PPP2R2C: variants seen among roughly 807,000 people sequenced by gnomAD.
PPP2R2C encodes the protein protein phosphatase 2, regulatory subunit B, gamma.
In PPP2R2C, 10 loss-of-function variants were observed where a neutral mutation model predicts 45.3. That is an observed-to-expected ratio of 0.22 (90% CI 0.14 to 0.37). The LOEUF (loss-of-function observed/expected upper bound fraction) is 0.37, where lower values mean the gene tolerates loss of function less well. Ranked by LOEUF, PPP2R2C falls within the 10% of genes least tolerant of loss-of-function variation. The pLI is 1.00. For synonymous variants in PPP2R2C, 257 were observed against 245.4 expected (o/e 1.05, Z -0.44); for missense variants, 308 against 619.7 (o/e 0.50, Z 5.34).
chr4:6,328,069 C>T lies in PPP2R2C; in HGVS notation c.1052+1193G>A, dbSNP rs1365282551. Among the ~76,000 whole-genome samples, 1 of 152,128 alleles carries T rather than the reference C, an allele frequency of 6.6e-6. No homozygotes were observed. Among genetic ancestry groups the T allele is most frequent in the Non-Finnish European group, 1.5e-5 (1 of 68,014 alleles). On this transcript the variant is annotated intron_variant, in intron 8 of 8. Coordinates refer to ENST00000382599, the MANE Select transcript of PPP2R2C (RefSeq NM_020416.4). This position sits in a 1 kb window ranked among gnomAD's most constrained non-coding sequence, Gnocchi z 4.4. Reference sequence around the variant, plus strand: ...TGCGGCAGCTCTCACATGACCACCACAGTGCCAGCCACCCTCAGAGGTCTG... The same window carrying T: ...TGCGGCAGCTCTCACATGACCACCATAGTGCCAGCCACCCTCAGAGGTCTG...
intron 2 of PPP2R2C, among the ~76,000 whole-genome samples, chr4:6,534,517 A>C (rs1367538737): frequency 6.6e-6 from 1 of 151,864 alleles, no homozygotes. Context: ...GCACACATAC[A>C]TCAATAAACA....
intron 1 of PPP2R2C, among the ~76,000 whole-genome samples, chr4:6,409,155 T>C (rs963657136): frequency 8.5e-5 from 13 of 152,074 alleles, no homozygotes; most frequent in African/African-American, 3.1e-4. Context: ...TTACACAAAA[T>C]ACGGAGAACA....
At position 6,413,242 on chromosome 4, in the gene PPP2R2C, AAC is replaced by A. The variant is rs530355398; in HGVS notation, c.71-32150_71-32149del. On this transcript the variant is annotated intron_variant, in intron 1 of 8. Coordinates refer to ENST00000382599, the MANE Select transcript of PPP2R2C (RefSeq NM_020416.4). ...ATGTGCACACACAGTTGTACATACA[AAC>A]ACACAGTCATGTACTCGCACACACA... Among the ~76,000 whole-genome samples, 447 of 149,166 alleles carry A rather than the reference AAC, an allele frequency of 3.0e-3. 4 individuals carry two copies. In the East Asian group the frequency reaches 0.033, roughly 11 times the overall value.
chr4:6,522,446 C>G (rs1724057770), intron 2 of PPP2R2C, among the ~76,000 whole-genome samples: 1 of 152,246 alleles, frequency 6.6e-6, no homozygotes, highest in South Asian at 2.1e-4. Context: ...GAATCCAGAC[C>G]TGAGATTCCA....
At chr4:6,387,241 T>A (rs888208041) in intron 1 of PPP2R2C, among the ~76,000 whole-genome samples, 1 of 152,076 alleles carries the variant, frequency 6.6e-6, no homozygotes, top group Non-Finnish European at 1.5e-5. Context: ...ATTTACAAAT[T>A]TAAGAAGCTT....
chr4:6,510,665 G>A (rs1023765991), intron 2 of PPP2R2C, among the ~76,000 whole-genome samples: 5 of 152,090 alleles, frequency 3.3e-5, no homozygotes, highest in Non-Finnish European at 5.9e-5. Context: ...TGCCTGATAC[G>A]GAGGAGGCCC....
intron 1 of PPP2R2C, among the ~76,000 whole-genome samples, chr4:6,553,991 A>G (rs73086937): frequency 0.039 from 5,866 of 152,226 alleles, 363 homozygotes; most frequent in African/African-American, 0.13. Flanking sequence ...TTGGGGCACC[A>G]GGACCCCCAA....
intron 5 of PPP2R2C, among the ~76,000 whole-genome samples, chr4:6,357,041 T>C (rs1031263998): frequency 2.9e-5 from 4 of 139,046 alleles, no homozygotes; most frequent in Non-Finnish European, 6.4e-5. Flanking sequence ...GCTGCAGTCA[T>C]GGGCATGAGA....
intron 2 of PPP2R2C, among the ~76,000 whole-genome samples, chr4:6,491,385 G>T (rs1722694477): frequency 6.6e-6 from 1 of 152,218 alleles, no homozygotes; most frequent in Non-Finnish European, 1.5e-5. Flanking sequence ...GGCCAAGCCA[G>T]GGGGCCATGT....
In PPP2R2C at chr4:6,431,994, A is replaced by G. The variant is rs528270105; in HGVS notation, c.70+40166T>C. Among the ~76,000 whole-genome samples the G allele has an allele frequency of 2.6e-5, 4 of 152,300 alleles. No individual in the cohort carries two copies. In the East Asian group the frequency reaches 7.7e-4, roughly 29 times the overall value. ...TTCTCACTGTGGGGTCCCTTTATAA[A>G]GCCACTGATCCCATAAATGAGGGCT... is the stretch of plus-strand genomic sequence containing the variant. On this transcript the variant is annotated intron_variant, in intron 1 of 8. Transcript: ENST00000382599.
intron 1 of PPP2R2C, among the ~76,000 whole-genome samples, chr4:6,540,702 G>C (rs992141814): frequency 6.6e-6 from 1 of 152,222 alleles, no homozygotes; most frequent in Non-Finnish European, 1.5e-5. Flanking sequence ...CAGTGCATAA[G>C]GGCTCCACAC....
intron 1 of PPP2R2C, among the ~76,000 whole-genome samples, chr4:6,466,442 GA>G (rs1330595212): frequency 6.6e-6 from 1 of 152,142 alleles, no homozygotes; most frequent in Admixed American, 6.5e-5. Flanking sequence ...CAAAGCCCTG[GA>G]AAATTCCTAT....
chr4:6,330,115 G>A lies in PPP2R2C; in HGVS notation c.961-762C>T, dbSNP rs571326406. ...TCCCCAGGATTCCCGTACCCCACAGGAGAGAGGGTGACACCCCAGGACCTG... is the reference window on the plus strand; with the variant it reads ...TCCCCAGGATTCCCGTACCCCACAGAAGAGAGGGTGACACCCCAGGACCTG... On this transcript the variant is annotated intron_variant, in intron 7 of 8. Coordinates refer to ENST00000382599, the MANE Select transcript of PPP2R2C (RefSeq NM_020416.4). The surrounding 1 kb of genome is among the most constrained non-coding windows in gnomAD (Gnocchi z 7.0). Among the ~76,000 whole-genome samples the A allele has an allele frequency of 1.3e-5, 2 of 152,240 alleles. No homozygotes were observed. Among genetic ancestry groups the A allele is most frequent in the African/African-American group, 4.8e-5 (2 of 41,546 alleles).
intron 1 of PPP2R2C, among the ~76,000 whole-genome samples, chr4:6,430,944 C>A (rs112407286): frequency 0.024 from 1,269 of 52,686 alleles, 5 homozygotes; most frequent in Middle Eastern, 0.067. Flanking sequence ...ACAACAACAA[C>A]AAAAAAAAAA....
At chr4:6,523,277 C>T (rs906405802) in intron 2 of PPP2R2C, among the ~76,000 whole-genome samples, 1 of 152,230 alleles carries the variant, frequency 6.6e-6, no homozygotes, top group Non-Finnish European at 1.5e-5. Context: ...GAACACAAGA[C>T]TTCAGAGTCA....
In PPP2R2C at chr4:6,332,148, C is replaced by A. The variant is rs1288775229; in HGVS notation, c.960+1414G>T. Among the ~76,000 whole-genome samples the A allele has an allele frequency of 1.3e-5, 2 of 152,134 alleles. No individual in the cohort carries two copies. Among genetic ancestry groups the A allele is most frequent in the Non-Finnish European group, 2.9e-5 (2 of 68,014 alleles). ...CACGTAGTTTCAGGGGTTCATGGGC[C>A]TTTGCTGACCTCAGGGATGGAGGTA... On this transcript the variant is annotated intron_variant, in intron 7 of 8. Coordinates refer to ENST00000382599, the MANE Select transcript of PPP2R2C (RefSeq NM_020416.4). The surrounding 1 kb of genome is among the most constrained non-coding windows in gnomAD (Gnocchi z 4.9).
rs146751753 is a variant in PPP2R2C at position 6,533,869 on chromosome 4, G to A, written c.49+1402C>T. 5.5e-4 allele frequency among the ~76,000 whole-genome samples: 84 copies of A among 152,006 alleles called. No homozygotes were observed. In the East Asian group the frequency reaches 0.011, roughly 20 times the overall value. ...TCGGTGAAAAGGTATGTGTGAACACGCCCCCAATACACGCACACATCAACA... is the reference window on the plus strand; with the variant it reads ...TCGGTGAAAAGGTATGTGTGAACACACCCCCAATACACGCACACATCAACA... On this transcript the variant is annotated intron_variant, in intron 2 of 9. Transcript: ENST00000506140.
intron 2 of PPP2R2C, among the ~76,000 whole-genome samples, chr4:6,510,050 G>T (rs1044805818): frequency 6.6e-6 from 1 of 152,130 alleles, no homozygotes; most frequent in African/African-American, 2.4e-5. Context: ...TCTCTCACCT[G>T]CAACTTCAGA....
rs368186831 is a variant in PPP2R2C, at chr4:6,535,157, G to A, written c.49+114C>T. The A allele has an allele frequency of 1.7e-3, 2,046 of 1,222,914 alleles. 47 individuals carry two copies. The South Asian group carries it at 0.026, about 15-fold the overall frequency. The allele number at this position is 1,222,914 out of a possible 1,614,324, so 75.8% of individuals were successfully genotyped here. On this transcript the variant is annotated intron_variant, in intron 2 of 9. Coordinates refer to the PPP2R2C transcript ENST00000506140. ...CAGGGGAGGGACCGGATCCCAGCAC[G>A]GTGGGGTCGGCTTCCCGCTGTCAGG...
Sources: gnomAD v4.1 joint callset for allele counts (sites outside exome capture counted in the v4.1 genomes callset) on GRCh38, gnomAD v4.1.1 for gene constraint, Gnocchi (gnomAD v3.1) non-coding constraint, MANE v1.5 for transcripts, NCBI Gene and HGNC (gene_info 2026-07-23, HGNC 2026-07-21) for gene names.